The following ANXA11 variants were observed in gnomAD, a reference collection of about 807,000 sequenced individuals.
ANXA11 encodes annexin A11.
A neutral mutation model predicts 64.7 loss-of-function variants in ANXA11; 57 were observed. The observed-to-expected ratio is 0.88, with a 90% CI of 0.71 to 1.10. The LOEUF is 1.10. Ranked by LOEUF, ANXA11 falls within the 50% of genes least tolerant of loss-of-function variation. The pLI is 0.00. For missense variants in ANXA11, 675 were observed against 670.7 expected (o/e 1.01, Z -0.07); for synonymous variants, 260 against 265.2 (o/e 0.98, Z 0.19).
chr10:80,184,386 G>GTGAC (rs1259600259), intron 1 of ANXA11, among the ~76,000 whole-genome samples: 1 of 152,136 alleles, frequency 6.6e-6, no homozygotes, highest in African/African-American at 2.4e-5. Flanking sequence ...TGGTGCAAGA[G>GTGAC]TGACATGCAC....
At chr10:80,183,170 G>C (rs1435145385) in intron 1 of ANXA11, among the ~76,000 whole-genome samples, 1 of 152,216 alleles carries the variant, frequency 6.6e-6, no homozygotes, top group Non-Finnish European at 1.5e-5. Flanking sequence ...GCAGGAGAGA[G>C]GGAGGCACCA....
At position 80,167,022 on chromosome 10, in the gene ANXA11, T is replaced by A. The variant is rs773745935; in HGVS notation, c.650-38A>T. ...GCAGCAGGGGTGGGTCGGGTAGGGG[T>A]CATGAGATGCTCTGCAGCTGAGACT... On this transcript the variant is annotated intron_variant, in intron 6 of 15. Coordinates refer to ENST00000422982, the MANE Select transcript of ANXA11 (RefSeq NM_145868.2). 11 of 1,477,176 alleles carry A rather than the reference T, an allele frequency of 7.4e-6. No homozygotes were observed. In the African/African-American group the frequency reaches 1.1e-4, roughly 15 times the overall value. 91.5% of individuals were successfully genotyped at this position (1,477,176 alleles called of 1,614,324 possible). A position where few individuals can be genotyped will look rare whatever the true frequency, so the allele number is the denominator to read the frequency against.
intron 1 of ANXA11, among the ~76,000 whole-genome samples, chr10:80,203,157 T>C (rs1840512992): frequency 6.6e-6 from 1 of 151,888 alleles, no homozygotes; most frequent in South Asian, 2.1e-4. Flanking sequence ...TCAGCATGCA[T>C]TTTGGTTCCA....
At chr10:80,205,132 G>A (rs1840614243) in intron 1 of ANXA11, among the ~76,000 whole-genome samples, 1 of 152,092 alleles carries the variant, frequency 6.6e-6, no homozygotes, top group South Asian at 2.1e-4. Flanking sequence ...AGACGCCGAG[G>A]CTGATCTAGG....
chr10:80,159,286 A>G, intron 12 of ANXA11, 91 bp from the exon 13 acceptor site: 1 of 1,011,122 alleles, frequency 9.9e-7, no homozygotes, highest in Non-Finnish European at 1.6e-6. Context: ...ACTTCAGAAT[A>G]TAACCGTGTT....
chr10:80,196,921 G>A (rs890496683), intron 1 of ANXA11, among the ~76,000 whole-genome samples: 2 of 152,212 alleles, frequency 1.3e-5, no homozygotes, highest in Non-Finnish European at 2.9e-5. Flanking sequence ...TGGGAGAGTG[G>A]CAGCGTCCGG....
At chr10:80,166,313 A>G (rs1220162492) in intron 7 of ANXA11, 116 bp from the exon 8 acceptor site, 2 of 632,378 alleles carry the variant, frequency 3.2e-6, no homozygotes, top group Non-Finnish European at 5.5e-6. Flanking sequence ...CAGCATGGAC[A>G]TCCCCCAGGG....
chr10:80,204,322 C>T (rs571170286), intron 1 of ANXA11, among the ~76,000 whole-genome samples: 2 of 152,356 alleles, frequency 1.3e-5, no homozygotes, highest in South Asian at 4.1e-4. Context: ...GAATCCCCAA[C>T]AATTGACTGC....
intron 4 of ANXA11, 107 bp from the exon 5 acceptor site, chr10:80,169,465 G>A: frequency 7.6e-7 from 1 of 1,324,040 alleles, no homozygotes; most frequent in East Asian, 2.4e-5. Flanking sequence ...ATCTCCGCTT[G>A]TGGAATATGA....
intron 12 of ANXA11, among the ~76,000 whole-genome samples, chr10:80,161,356 G>A (rs901400473): frequency 6.6e-6 from 1 of 152,174 alleles, no homozygotes; most frequent in African/African-American, 2.4e-5. Flanking sequence ...GCACCTCCCG[G>A]TGGACCCTAC....
At position 80,166,204 on chromosome 10, in the gene ANXA11, G is replaced by C. The variant is rs61860026; in HGVS notation, c.745-7C>G. ...TCAGATCTTTGATCAAATCCTGATT[G>C]GATATTCAAACAAACAACCAACAAA... On this transcript the variant is annotated splice_region_variant and splice_polypyrimidine_tract_variant and intron_variant, in intron 7 of 15. Transcript: ENST00000422982. The C allele has an allele frequency of 4.5e-3, 6,838 of 1,519,588 alleles. 30 individuals carry two copies. Among genetic ancestry groups the C allele is most frequent in the Non-Finnish European group, 5.7e-3 (6,304 of 1,105,588 alleles). The allele number at this position is 1,519,588 out of a possible 1,614,324, so 94.1% of individuals were successfully genotyped here. A position where few individuals can be genotyped will look rare whatever the true frequency, so the allele number is the denominator to read the frequency against.
chr10:80,166,040 G>GCGTGCGCACACACA, intron 8 of ANXA11, 44 bp downstream of exon 8: 1 of 1,076,336 alleles, frequency 9.3e-7, no homozygotes, highest in Non-Finnish European at 1.4e-6. Flanking sequence ...GCACACACGC[G>GCGTGCGCACACACA]CGCACACACA....
At position 80,169,343 on chromosome 10, in the gene ANXA11, C is replaced by T; in HGVS notation, c.187G>A (p.Gly63Arg). The T allele has an allele frequency of 6.2e-7, 1 of 1,607,312 alleles. No individual in the cohort carries two copies. Among genetic ancestry groups the T allele is most frequent in the Non-Finnish European group, 8.5e-7 (1 of 1,179,824 alleles). ...GGCATGTTGGCTCCTCCAAATGTCCCAGACATGTTGGCCGCCTGCAAGGAC... is the reference window on the plus strand; with the variant it reads ...GGCATGTTGGCTCCTCCAAATGTCCTAGACATGTTGGCCGCCTGCAAGGAC... ...YLSGMAANMSGTFGGANMPNL... is the reference protein window; with the variant it reads ...YLSGMAANMSRTFGGANMPNL... The change falls in exon 5 of 16, where the codon GGG (glycine) becomes AGG (arginine). Residue 63 changes from glycine (G) to arginine (R), a missense_variant. Gly to Arg is a moderately radical substitution (Grantham distance 125, BLOSUM62 -2). Transcript: ENST00000422982.
chr10:80,186,518 G>T (rs953842806), intron 1 of ANXA11, among the ~76,000 whole-genome samples: 3 of 152,202 alleles, frequency 2.0e-5, no homozygotes, highest in Admixed American at 6.5e-5. Context: ...GACAGCGAAG[G>T]CAAGACTGAT....
intron 14 of ANXA11, 45 bp from the exon 15 acceptor site, chr10:80,157,808 C>T: frequency 6.2e-7 from 1 of 1,600,038 alleles, no homozygotes; most frequent in South Asian, 1.1e-5. Flanking sequence ...GCCTCCTCAC[C>T]TTCCCACCTG....
intron 2 of ANXA11, 58 bp from the exon 3 acceptor site, chr10:80,172,927 G>A: frequency 2.0e-6 from 3 of 1,518,926 alleles, no homozygotes; most frequent in Non-Finnish European, 2.7e-6. Flanking sequence ...GCTGGCCCGT[G>A]GGACCCAGCT....
rs1384660624 is a variant in ANXA11 at position 80,163,533 on chromosome 10, C to T, written c.1029+1G>A. On this transcript the variant is annotated splice_donor_variant, in intron 10 of 15. Transcript: ENST00000422982. LOFTEE classifies it high-confidence loss of function. ...CCCGAGCCCTGTCGTGGGAAAAGTA[C>T]CTGAGAGAGAGAGATGAGGAGCCGC... The T allele has an allele frequency of 1.3e-6, 2 of 1,584,816 alleles. No homozygotes were observed. Among genetic ancestry groups the T allele is most frequent in the South Asian group, 1.1e-5 (1 of 87,506 alleles).
intron 5 of ANXA11, among the ~76,000 whole-genome samples, chr10:80,168,394 G>C (rs1440666650): frequency 6.6e-6 from 1 of 152,118 alleles, no homozygotes; most frequent in Non-Finnish European, 1.5e-5. Context: ...TACTCGCCAG[G>C]GGTGTTCTGA....
chr10:80,197,091 T>A (rs1212233117), intron 1 of ANXA11, among the ~76,000 whole-genome samples: 1 of 152,168 alleles, frequency 6.6e-6, no homozygotes, highest in African/African-American at 2.4e-5. Context: ...ACCTGTTTAT[T>A]TTATTTGAGG....
Sources: allele counts gnomAD v4.1 joint callset (sites outside exome capture counted in the v4.1 genomes callset), GRCh38; gene constraint gnomAD v4.1.1; transcripts MANE v1.5; gene names NCBI Gene and HGNC (gene_info 2026-07-23, HGNC 2026-07-21).